The following MRPL54 variants were observed in gnomAD, a reference collection of about 807,000 sequenced individuals.
MRPL54 encodes the protein large ribosomal subunit protein mL54.
In MRPL54, 12 loss-of-function variants were observed where a neutral mutation model predicts 15.6. The ratio of observed to expected loss-of-function variants is 0.77; its 90% CI spans 0.49 to 1.24. MRPL54 has a LOEUF of 1.24. Ranked by LOEUF, MRPL54 falls within the 50% of genes most tolerant of loss-of-function variation. MRPL54 has a pLI of 0.00. For missense variants in MRPL54, 178 were observed against 186.8 expected (o/e 0.95, Z 0.28); for synonymous variants, 91 against 75.7 (o/e 1.20, Z -1.05).
chr19:3,765,399 C>G (rs558961187), intron 2 of MRPL54, 68 bp downstream of exon 2: 5 of 1,557,644 alleles, frequency 3.2e-6, no homozygotes, highest in South Asian at 2.3e-5. Context: ...GACCCCTTCC[C>G]GGAGAGGCGG....
In MRPL54 at chr19:3,767,539, A is replaced by G; in HGVS notation, c.*146A>G. On this transcript the variant is annotated 3_prime_UTR_variant, in exon 3 of 3. Transcript: ENST00000330133. ...GGGCTGGACCAGGGCCCTGGAGGCC[A>G]ATAAAGAGCTTTCTGGGTAGACCCT... is the stretch of plus-strand genomic sequence containing the variant. 8.9e-7 allele frequency: 1 copy of G among 1,129,870 alleles called. No homozygotes were observed. Among genetic ancestry groups the G allele is most frequent in the Non-Finnish European group, 1.2e-6 (1 of 810,632 alleles). The allele number at this position is 1,129,870 out of a possible 1,614,324, so 70.0% of individuals were successfully genotyped here. A position where few individuals can be genotyped will look rare whatever the true frequency, so the allele number is the denominator to read the frequency against.
At chr19:3,764,863 C>G (rs1478006748) in intron 1 of MRPL54, among the ~76,000 whole-genome samples, 1 of 151,732 alleles carries the variant, frequency 6.6e-6, no homozygotes, top group Non-Finnish European at 1.5e-5. Context: ...CCCGTCTCTA[C>G]TAAAAATACA....
rs199762807 is a variant in MRPL54 at position 3,765,184 on chromosome 19, C to G, written c.137C>G (p.Ser46Trp). 1 of 1,611,980 alleles carries G rather than the reference C, an allele frequency of 6.2e-7. No homozygotes were observed. The highest frequency in any genetic ancestry group is 1.1e-5 in the South Asian group (1 of 90,898). The stretch of plus-strand genomic sequence containing the variant: ...TCCCCAGTTATGAAGGGGGCCAAAT[C>G]GGGAAAAGGTGCAGTGACCAGCGAG... ...AKKPVMKGAK[S>W]GKGAVTSEAL... Residue 46 changes from serine (S) to tryptophan (W), a missense_variant, in exon 2 of 3, where the codon TCG becomes TGG. Physicochemically the swap from Ser to Trp is radical, Grantham distance 177. Coordinates refer to ENST00000330133, the MANE Select transcript of MRPL54 (RefSeq NM_172251.3).
intron 2 of MRPL54, among the ~76,000 whole-genome samples, chr19:3,766,678 G>T (rs1054540372): frequency 2.6e-5 from 4 of 152,222 alleles, no homozygotes; most frequent in Non-Finnish European, 4.4e-5. Context: ...TTCCAGGAAG[G>T]GGGCAGGAGA....
intron 1 of MRPL54, among the ~76,000 whole-genome samples, 160 bp downstream of exon 1, chr19:3,762,978 C>G (rs533705890): frequency 2.0e-5 from 3 of 152,366 alleles, no homozygotes; most frequent in Non-Finnish European, 2.9e-5. Context: ...GACCCAGCGC[C>G]GCTTGGAGCT....
chr19:3,763,639 C>T (rs373952490), intron 1 of MRPL54, among the ~76,000 whole-genome samples: 17 of 149,096 alleles, frequency 1.1e-4, no homozygotes, highest in Non-Finnish European at 1.6e-4. Flanking sequence ...AATTGCCTGG[C>T]GCGGTAGCTC....
chr19:3,766,990 G>A (rs1433705729), intron 2 of MRPL54, among the ~76,000 whole-genome samples: 1 of 152,172 alleles, frequency 6.6e-6, no homozygotes, highest in Non-Finnish European at 1.5e-5. Flanking sequence ...GAGCAAGTGG[G>A]GGCAGGTGGC....
intron 2 of MRPL54, among the ~76,000 whole-genome samples, chr19:3,766,763 G>T (rs532493111): frequency 6.6e-6 from 1 of 152,330 alleles, no homozygotes; most frequent in East Asian, 1.9e-4. Flanking sequence ...ACGGGAGTGG[G>T]TGGAAGGGGC....
rs531903906 is a variant in MRPL54 at position 3,766,824 on chromosome 19, C to A, written c.285-437C>A. Among the ~76,000 whole-genome samples, 230 of 152,296 alleles carry A rather than the reference C, an allele frequency of 1.5e-3. 1 individual carries two copies. Among genetic ancestry groups the A allele is most frequent in the African/African-American group, 4.5e-3 (186 of 41,550 alleles). On this transcript the variant is annotated intron_variant, in intron 2 of 2. Transcript: ENST00000330133. ...GCAAAGGCCCCGGGGCAGGACCGCA[C>A]CTGGTGTGCTGGAGGAACAGCGGGG... is the stretch of plus-strand genomic sequence containing the variant.
chr19:3,763,949 G>A (rs1238907264), intron 1 of MRPL54, among the ~76,000 whole-genome samples: 2 of 151,870 alleles, frequency 1.3e-5, no homozygotes, highest in African/African-American at 2.4e-5. Context: ...AAAAATAAGC[G>A]GGGCATGGTG....
intron 1 of MRPL54, among the ~76,000 whole-genome samples, chr19:3,763,195 G>A (rs2037167599): frequency 6.6e-6 from 1 of 152,246 alleles, no homozygotes; most frequent in Non-Finnish European, 1.5e-5. Context: ...CAAATCGCTG[G>A]GTAACCTTGG....
chr19:3,763,905 C>G (rs775007286), intron 1 of MRPL54, among the ~76,000 whole-genome samples: 22 of 150,602 alleles, frequency 1.5e-4, no homozygotes, highest in Non-Finnish European at 2.8e-4. Flanking sequence ...CAGTGAGACT[C>G]TGTCTCAAAA....
intron 2 of MRPL54, among the ~76,000 whole-genome samples, chr19:3,766,014 C>T (rs569403668): frequency 6.6e-6 from 1 of 151,212 alleles, no homozygotes; most frequent in Non-Finnish European, 1.5e-5. Context: ...TGGGTTCAAG[C>T]GGTTCTCCTG....
Position 3,767,270 on chromosome 19 carries a change from G to A in MRPL54, c.294G>A (p.Glu98=), listed in dbSNP as rs898310434. The A allele has an allele frequency of 1.2e-6, 2 of 1,612,500 alleles. No homozygotes were observed. Among genetic ancestry groups the A allele is most frequent in the Non-Finnish European group, 1.7e-6 (2 of 1,179,368 alleles). The stretch of plus-strand genomic sequence containing the variant: ...CCCGCACCCCCGTCAGGCTGTTCGA[G>A]ATGAACTTGGGTCCCCCAAAGACCC... ...PDAEYPEWLF[E]MNLGPPKTLE... The change falls in exon 3 of 3, where the codon GAG becomes GAA. Residue 98 remains glutamate, a synonymous_variant. Coordinates refer to ENST00000330133, the MANE Select transcript of MRPL54 (RefSeq NM_172251.3).
intron 1 of MRPL54, among the ~76,000 whole-genome samples, chr19:3,764,167 C>T (rs1215916555): frequency 6.6e-6 from 1 of 151,876 alleles, no homozygotes; most frequent in East Asian, 2.0e-4. Flanking sequence ...ACTGCAAGCT[C>T]CGCCTCCTGG....
intron 2 of MRPL54, among the ~76,000 whole-genome samples, chr19:3,766,763 G>A (rs532493111): frequency 6.6e-6 from 1 of 152,212 alleles, no homozygotes; most frequent in Admixed American, 6.5e-5. Context: ...ACGGGAGTGG[G>A]TGGAAGGGGC....
At chr19:3,765,419 C>A in intron 2 of MRPL54, 88 bp downstream of exon 2, 1 of 1,439,424 alleles carries the variant, frequency 6.9e-7, no homozygotes, top group South Asian at 1.2e-5. Context: ...GATCGCCACT[C>A]CAGCCGGAGC....
rs145937356 is a variant in MRPL54 at position 3,767,368 on chromosome 19, G to A, written c.392G>A (p.Arg131Gln). 10 of 1,610,234 alleles carry A rather than the reference G, an allele frequency of 6.2e-6. No individual in the cohort carries two copies. Among genetic ancestry groups the A allele is most frequent in the East Asian group, 2.3e-5 (1 of 44,300 alleles). Residue 131 changes from arginine to glutamine, a missense_variant, in exon 3 of 3, where the codon CGG becomes CAG. By Grantham distance (43) the Arg-to-Gln change is conservative. Transcript: ENST00000330133. ...LRKQNIWRHN[R>Q]LSKNKRL is the part of the protein sequence containing the mutation. Reference sequence around the variant, plus strand: ...AAACAGAACATCTGGCGCCACAACCGGCTGAGCAAGAACAAGAGGTTGTAG... The same window carrying A: ...AAACAGAACATCTGGCGCCACAACCAGCTGAGCAAGAACAAGAGGTTGTAG...
intron 1 of MRPL54, among the ~76,000 whole-genome samples, chr19:3,764,362 C>T (rs934388054): frequency 2.7e-4 from 41 of 152,084 alleles, no homozygotes; most frequent in African/African-American, 7.9e-4. Flanking sequence ...GGATTACAGG[C>T]GTGAGCCGCC....
Sources: gnomAD v4.1 joint callset for allele counts (sites outside exome capture counted in the v4.1 genomes callset) on GRCh38, gnomAD v4.1.1 for gene constraint, MANE v1.5 for transcripts, NCBI Gene and HGNC (gene_info 2026-07-23, HGNC 2026-07-21) for gene names.